Variants in NDUFB6 observed in about 807,000 individuals in gnomAD.
NDUFB6 encodes the protein NADH dehydrogenase [ubiquinone] 1 beta subcomplex subunit 6.
In NDUFB6, 23 loss-of-function variants were observed where a neutral mutation model predicts 17.5. That is an observed-to-expected ratio of 1.31 (90% CI 0.94 to 1.86). The LOEUF (loss-of-function observed/expected upper bound fraction) is 1.86, where lower values mean the gene tolerates loss of function less well. Among genes scored for constraint, NDUFB6 ranks in the 40% most tolerant of loss-of-function variants. The pLI is 0.00. For synonymous variants in NDUFB6, 60 were observed against 53.5 expected (o/e 1.12, Z -0.53); for missense variants, 167 against 153.8 (o/e 1.09, Z -0.46).
In NDUFB6 at chr9:32,553,079, A is replaced by AT. The variant is rs751421290; in HGVS notation, c.*796dup. 1 of 516,122 alleles carries AT rather than the reference A, an allele frequency of 1.9e-6. No homozygotes were observed. Among genetic ancestry groups the AT allele is most frequent in the Non-Finnish European group, 3.4e-6 (1 of 292,270 alleles). The allele number at this position is 516,122 out of a possible 1,614,324, so 32.0% of individuals were successfully genotyped here. On this transcript the variant is annotated 3_prime_UTR_variant, in exon 4 of 4. Coordinates refer to ENST00000379847, the MANE Select transcript of NDUFB6 (RefSeq NM_002493.5). Reference sequence around the variant, plus strand: ...AAATTTTTCACTTAGAGATTTTAGTATTTTACATTCTCATGACAAAATTAA... The same window carrying AT: ...AAATTTTTCACTTAGAGATTTTAGTATTTTTACATTCTCATGACAAAATTAA...
intron 3 of NDUFB6, among the ~76,000 whole-genome samples, chr9:32,556,627 T>C (rs1821462937): frequency 6.6e-6 from 1 of 152,148 alleles, no homozygotes; most frequent in African/African-American, 2.4e-5. Flanking sequence ...ATATGAGAAA[T>C]GCTACAGGAT....
At chr9:32,567,105 C>T (rs955311612) in intron 2 of NDUFB6, 10 of 483,404 alleles carry the variant, frequency 2.1e-5, no homozygotes, top group Admixed American at 1.4e-4. Flanking sequence ...CGCAGCTTCA[C>T]AGTCTTGTGC....
In NDUFB6 at chr9:32,572,853, G is replaced by A. The variant is rs781445756; in HGVS notation, c.180+28C>T. ...CTGCCGGCAGCAGTGGGATGTGTTG[G>A]GGGGGACCGGAGAGGTCTGTCACTC... On this transcript the variant is annotated intron_variant, in intron 1 of 3. Transcript: ENST00000379847. The A allele has an allele frequency of 2.6e-6, 4 of 1,529,938 alleles. No individual in the cohort carries two copies. In the Middle Eastern group the frequency reaches 5.3e-4, roughly 202 times the overall value. The allele number at this position is 1,529,938 out of a possible 1,614,324, so 94.8% of individuals were successfully genotyped here.
intron 3 of NDUFB6, among the ~76,000 whole-genome samples, chr9:32,557,426 C>T (rs1468927840): frequency 6.6e-6 from 1 of 151,626 alleles, no homozygotes; most frequent in Non-Finnish European, 1.5e-5. Context: ...ACCTCGGCTT[C>T]CCATAGTGCT....
intron 2 of NDUFB6, among the ~76,000 whole-genome samples, chr9:32,561,266 A>G (rs1587642092): frequency 6.6e-6 from 1 of 152,100 alleles, no homozygotes; most frequent in Non-Finnish European, 1.5e-5. Flanking sequence ...AAGACAGGCC[A>G]TGTCCACTTG....
At position 32,553,824 on chromosome 9, in the gene NDUFB6, T is replaced by G; in HGVS notation, c.*52A>C. Reference sequence around the variant, plus strand: ...TTTCCAGAAAATTCAGTAAATATGGTAATATAGGAACAAACTTAGGCTCAT... The same window carrying G: ...TTTCCAGAAAATTCAGTAAATATGGGAATATAGGAACAAACTTAGGCTCAT... On this transcript the variant is annotated 3_prime_UTR_variant, in exon 4 of 4. Coordinates refer to ENST00000379847, the MANE Select transcript of NDUFB6 (RefSeq NM_002493.5). The G allele has an allele frequency of 8.7e-7, 1 of 1,152,402 alleles. No individual in the cohort carries two copies. The highest frequency in any genetic ancestry group is 1.3e-6 in the Non-Finnish European group (1 of 775,382). 71.4% of individuals were successfully genotyped at this position (1,152,402 alleles called of 1,614,324 possible).
chr9:32,568,993 C>A (rs548586220), intron 2 of NDUFB6, among the ~76,000 whole-genome samples: 1 of 151,846 alleles, frequency 6.6e-6, no homozygotes, highest in South Asian at 2.1e-4. Flanking sequence ...TCGTGATCCA[C>A]CTGCCTTGGC....
chr9:32,566,040 AAGGTTTTTTCC>A (rs1234469947), intron 2 of NDUFB6: 1 of 356,412 alleles, frequency 2.8e-6, no homozygotes, highest in Non-Finnish European at 5.1e-6. Flanking sequence ...AATATTTTTT[AAGGTTTTTTCC>A]AGGAGCTACT....
intron 3 of NDUFB6, among the ~76,000 whole-genome samples, chr9:32,557,694 G>C (rs1021964059): frequency 6.6e-6 from 1 of 151,940 alleles, no homozygotes; most frequent in Non-Finnish European, 1.5e-5. Flanking sequence ...GGCCAGGCTG[G>C]TCTCGAAGTT....
intron 2 of NDUFB6, among the ~76,000 whole-genome samples, chr9:32,562,541 A>C (rs969309981): frequency 5.3e-5 from 8 of 152,210 alleles, no homozygotes; most frequent in African/African-American, 1.9e-4. Flanking sequence ...GACAGTCCTT[A>C]ACTTCTGTCT....
At chr9:32,572,812 A>G (rs1587654033) in intron 1 of NDUFB6, 69 bp downstream of exon 1, 1 of 1,375,428 alleles carries the variant, frequency 7.3e-7, no homozygotes, top group African/African-American at 1.5e-5. Context: ...CAGGGAGCGG[A>G]CGTTCAGTGT....
chr9:32,571,506 C>T (rs1379283348), intron 1 of NDUFB6, among the ~76,000 whole-genome samples: 2 of 152,260 alleles, frequency 1.3e-5, no homozygotes, highest in East Asian at 3.9e-4. Context: ...ACCTTGACAA[C>T]GCCAATGCTG....
intron 2 of NDUFB6, chr9:32,566,083 A>AT: frequency 2.5e-6 from 1 of 404,746 alleles, no homozygotes. Flanking sequence ...AAAAAAAAAA[A>AT]GGCACCTGTT....
chr9:32,561,937 TTTTC>T (rs1178832472), intron 2 of NDUFB6, among the ~76,000 whole-genome samples: 2 of 152,196 alleles, frequency 1.3e-5, no homozygotes, highest in Non-Finnish European at 2.9e-5. Flanking sequence ...ATTTCAATGT[TTTTC>T]TTTGTTTTCC....
chr9:32,569,217 G>T (rs1821887881), intron 2 of NDUFB6, among the ~76,000 whole-genome samples: 1 of 151,786 alleles, frequency 6.6e-6, no homozygotes, highest in South Asian at 2.1e-4. Flanking sequence ...TGAAGTTTTT[G>T]TTTTTTTCTT....
rs1197645794 is a variant in NDUFB6 at position 32,556,842 on chromosome 9, CCTA to C, written c.318+2065_318+2067del. 8.8e-3 allele frequency among the ~76,000 whole-genome samples: 1,286 copies of C among 146,960 alleles called. 13 individuals carry two copies. Among genetic ancestry groups the C allele is most frequent in the Admixed American group, 0.025 (347 of 14,080 alleles). ...CACAATAAAACAAAAGGAGAAATCCCCTACTTTTTTTTTTTTTTTTTTTTTTTT... is the reference window on the plus strand; with the variant it reads ...CACAATAAAACAAAAGGAGAAATCCCCTTTTTTTTTTTTTTTTTTTTTTTT... On this transcript the variant is annotated intron_variant, in intron 3 of 3. Coordinates refer to ENST00000379847, the MANE Select transcript of NDUFB6 (RefSeq NM_002493.5).
intron 2 of NDUFB6, chr9:32,568,748 A>ATATATATATATATATATTTTTTTTTT (rs1213123923): frequency 8.7e-6 from 1 of 114,400 alleles, no homozygotes; most frequent in African/African-American, 3.9e-5. Flanking sequence ...ATATATATAT[A>ATATATATATATATATATTTTTTTTTT]TTTTTTTTTT....
intron 3 of NDUFB6, among the ~76,000 whole-genome samples, chr9:32,557,216 G>A (rs1802459758): frequency 6.8e-6 from 1 of 147,474 alleles, no homozygotes; most frequent in Non-Finnish European, 1.5e-5. Context: ...CCAGGCTGGA[G>A]TGCAGTGGCG....
Position 32,553,686 on chromosome 9 carries a change from T to C in NDUFB6, c.*190A>G. 2 of 541,856 alleles carry C rather than the reference T, an allele frequency of 3.7e-6. No homozygotes were observed. The highest frequency in any genetic ancestry group is 6.6e-6 in the Non-Finnish European group (2 of 303,498). 33.6% of individuals were successfully genotyped at this position (541,856 alleles called of 1,614,324 possible). ...ACCAGAAAAAGTAGGTAGTCTCTCA[T>C]ATTTGTTTAGCATGTCCACTTTTTA... On this transcript the variant is annotated 3_prime_UTR_variant, in exon 4 of 4. Coordinates refer to ENST00000379847, the MANE Select transcript of NDUFB6 (RefSeq NM_002493.5).
Sources: gnomAD v4.1 joint callset for allele counts (sites outside exome capture counted in the v4.1 genomes callset) on GRCh38, gnomAD v4.1.1 for gene constraint, MANE v1.5 for transcripts, NCBI Gene and HGNC (gene_info 2026-07-23, HGNC 2026-07-21) for gene names.